RAB31: variants seen among roughly 807,000 people sequenced by gnomAD.
RAB31 encodes RAB31, member RAS oncogene family, also known as ras-related protein Rab-31.
RAB31 carries 21 observed loss-of-function variants against 25.6 expected under a neutral mutation model. That is an observed-to-expected ratio of 0.82 (90% CI 0.58 to 1.18). The LOEUF (loss-of-function observed/expected upper bound fraction) is 1.18, where lower values mean the gene tolerates loss of function less well. RAB31 is among the 50% of genes most tolerant of loss of function. The pLI is 0.00. For synonymous variants in RAB31, 87 were observed against 84.0 expected (o/e 1.04, Z -0.20); for missense variants, 196 against 250.1 (o/e 0.78, Z 1.46).
intron 1 of RAB31, among the ~76,000 whole-genome samples, chr18:9,721,827 G>T (rs1167828361): frequency 6.6e-6 from 1 of 152,096 alleles, no homozygotes; most frequent in East Asian, 1.9e-4. Context: ...GTGGCAGATG[G>T]TGAGGGGTGC....
chr18:9,826,642 C>A (rs1461001878), intron 5 of RAB31, among the ~76,000 whole-genome samples: 1 of 152,142 alleles, frequency 6.6e-6, no homozygotes, highest in African/African-American at 2.4e-5. Flanking sequence ...TTTGAACAAC[C>A]CTAAACAAAT....
intron 1 of RAB31, among the ~76,000 whole-genome samples, chr18:9,774,098 G>A (rs1402704416): frequency 6.6e-6 from 1 of 152,138 alleles, no homozygotes; most frequent in Non-Finnish European, 1.5e-5. Flanking sequence ...TATTGAAAAA[G>A]TTAAAAATGT....
At chr18:9,783,118 A>G (rs1457974875) in intron 2 of RAB31, among the ~76,000 whole-genome samples, 1 of 152,100 alleles carries the variant, frequency 6.6e-6, no homozygotes, top group Non-Finnish European at 1.5e-5. Flanking sequence ...CCTTCCTACT[A>G]TTACTAAAGT....
intron 2 of RAB31, among the ~76,000 whole-genome samples, chr18:9,790,662 G>A (rs564779222): frequency 2.0e-5 from 3 of 152,218 alleles, no homozygotes; most frequent in Admixed American, 6.5e-5. Context: ...TATTTTTCTG[G>A]TTTGCTTCTC....
At chr18:9,747,898 A>G (rs2068213708) in intron 1 of RAB31, among the ~76,000 whole-genome samples, 1 of 152,222 alleles carries the variant, frequency 6.6e-6, no homozygotes, top group Non-Finnish European at 1.5e-5. Context: ...TTTATATGTG[A>G]GTAATTAGTT....
chr18:9,832,384 A>G (rs570526612), intron 5 of RAB31, among the ~76,000 whole-genome samples: 3 of 152,336 alleles, frequency 2.0e-5, no homozygotes, highest in African/African-American at 7.2e-5. Flanking sequence ...TCCTGGAATG[A>G]CCGATGCAAA....
At chr18:9,742,595 A>G (rs2068185333) in intron 1 of RAB31, among the ~76,000 whole-genome samples, 1 of 152,100 alleles carries the variant, frequency 6.6e-6, no homozygotes. Flanking sequence ...GATAATGTCT[A>G]TTTGTTTTAT....
At chr18:9,734,219 C>G (rs1415833344) in intron 1 of RAB31, among the ~76,000 whole-genome samples, 5 of 152,150 alleles carry the variant, frequency 3.3e-5, no homozygotes, top group Admixed American at 1.3e-4. Context: ...CGAACTCCTT[C>G]CCTGCACTGT....
intron 1 of RAB31, among the ~76,000 whole-genome samples, chr18:9,734,078 A>G (rs1390571300): frequency 1.3e-5 from 1 of 78,570 alleles, no homozygotes; most frequent in Non-Finnish European, 2.6e-5. Context: ...TGTGAGATGG[A>G]AGCTGGGGGG....
At chr18:9,734,276 A>T (rs892746660) in intron 1 of RAB31, among the ~76,000 whole-genome samples, 2 of 152,104 alleles carry the variant, frequency 1.3e-5, no homozygotes, top group African/African-American at 4.8e-5. Flanking sequence ...TGTGCAATTG[A>T]GATGGAAGCC....
chr18:9,839,028 C>G (rs1347474060), intron 5 of RAB31, among the ~76,000 whole-genome samples: 2 of 152,198 alleles, frequency 1.3e-5, no homozygotes, highest in Non-Finnish European at 2.9e-5. Flanking sequence ...CTCCTGAGAG[C>G]CAGGTAATGT....
intron 1 of RAB31, among the ~76,000 whole-genome samples, chr18:9,709,035 T>C (rs2068002155): frequency 6.6e-6 from 1 of 151,852 alleles, no homozygotes; most frequent in African/African-American, 2.4e-5. Flanking sequence ...GCGGCCGGGG[T>C]GGAAGGTGAG....
At chr18:9,761,308 C>G (rs2068287538) in intron 1 of RAB31, among the ~76,000 whole-genome samples, 1 of 152,198 alleles carries the variant, frequency 6.6e-6, no homozygotes, top group Non-Finnish European at 1.5e-5. Flanking sequence ...GCTGACCTAC[C>G]TTAAACCTTA....
At chr18:9,858,906 G>A (rs1305251849) in intron 6 of RAB31, among the ~76,000 whole-genome samples, 2 of 152,222 alleles carry the variant, frequency 1.3e-5, no homozygotes, top group Non-Finnish European at 2.9e-5. Flanking sequence ...AGAGCGCGCT[G>A]ATGAGCGGAG....
chr18:9,721,515 C>T (rs546168304), intron 1 of RAB31, among the ~76,000 whole-genome samples: 1 of 151,790 alleles, frequency 6.6e-6, no homozygotes, highest in Non-Finnish European at 1.5e-5. Context: ...ACTCAGGAGG[C>T]TGAGGCAGGA....
At chr18:9,750,406 C>T (rs1163043172) in intron 1 of RAB31, among the ~76,000 whole-genome samples, 1 of 152,208 alleles carries the variant, frequency 6.6e-6, no homozygotes, top group Admixed American at 6.5e-5. Flanking sequence ...CAGAAAAGGA[C>T]ATTCGTCTAG....
At chr18:9,848,080 A>G (rs1446383679) in intron 6 of RAB31, among the ~76,000 whole-genome samples, 2 of 152,222 alleles carry the variant, frequency 1.3e-5, no homozygotes, top group Admixed American at 6.5e-5. Context: ...TTCATGTCAC[A>G]TAAACAATTG....
chr18:9,721,572 C>T (rs947141367), intron 1 of RAB31, among the ~76,000 whole-genome samples: 3 of 150,870 alleles, frequency 2.0e-5, no homozygotes, highest in Non-Finnish European at 4.4e-5. Flanking sequence ...GCTGAGATTG[C>T]GCCACTGCAC....
At position 9,766,867 on chromosome 18, in the gene RAB31, G is replaced by T. The variant is rs1423124694; in HGVS notation, c.40-8411G>T. Among the ~76,000 whole-genome samples, 1 of 152,178 alleles carries T rather than the reference G, an allele frequency of 6.6e-6. No homozygotes were observed. Among genetic ancestry groups the T allele is most frequent in the African/African-American group, 2.4e-5 (1 of 41,444 alleles). The stretch of plus-strand genomic sequence containing the variant: ...AGCTACTTGGGAGGGTGAGACAGGA[G>T]GATTTCTTGAGCCTGGAAGGAGTAG... On this transcript the variant is annotated intron_variant, in intron 1 of 6. Coordinates refer to ENST00000578921, the MANE Select transcript of RAB31 (RefSeq NM_006868.4). The surrounding 1 kb of genome is among the most constrained non-coding windows in gnomAD (Gnocchi z 4.3).
Sources: allele counts gnomAD v4.1 joint callset (sites outside exome capture counted in the v4.1 genomes callset), GRCh38; gene constraint gnomAD v4.1.1; non-coding constraint Gnocchi (gnomAD v3.1); transcripts MANE v1.5; gene names NCBI Gene and HGNC (gene_info 2026-07-23, HGNC 2026-07-21).